Variants in SAMD4B observed in about 807,000 individuals in gnomAD.
SAMD4B encodes sterile alpha motif domain containing 4B.
In SAMD4B, 5 loss-of-function variants were observed where a neutral mutation model predicts 74.5. The ratio of observed to expected loss-of-function variants is 0.07; its 90% CI spans 0.04 to 0.14. SAMD4B has a LOEUF of 0.14. SAMD4B is among the 10% of genes least tolerant of loss of function. SAMD4B has a pLI of 1.00. For missense variants in SAMD4B, 608 were observed against 921.8 expected (o/e 0.66, Z 4.41); for synonymous variants, 373 against 374.9 (o/e 1.00, Z 0.06).
intron 1 of SAMD4B, among the ~76,000 whole-genome samples, chr19:39,353,643 C>T (rs899204590): frequency 4.6e-5 from 7 of 152,082 alleles, no homozygotes; most frequent in African/African-American, 1.7e-4. Context: ...GCTCTGTCAC[C>T]CAGGCTGGAG....
intron 4 of SAMD4B, among the ~76,000 whole-genome samples, chr19:39,373,925 C>G (rs923768792): frequency 1.3e-5 from 2 of 151,234 alleles, no homozygotes; most frequent in Non-Finnish European, 2.9e-5. Flanking sequence ...GATTGTGCCA[C>G]TGCACTCCAG....
chr19:39,362,289 C>A (rs977925993), intron 3 of SAMD4B, among the ~76,000 whole-genome samples: 7 of 152,206 alleles, frequency 4.6e-5, no homozygotes, highest in African/African-American at 9.7e-5. Flanking sequence ...TGGAGAACCA[C>A]TTGTCTTGAT....
intron 1 of SAMD4B, among the ~76,000 whole-genome samples, chr19:39,343,510 C>T (rs2075465994): frequency 1.3e-5 from 2 of 150,740 alleles, no homozygotes; most frequent in African/African-American, 4.9e-5. Context: ...ACACACTCCC[C>T]CTTCACGTAT....
Position 39,383,895 on chromosome 19 carries a change from A to G in SAMD4B, c.*368A>G. On this transcript the variant is annotated 3_prime_UTR_variant, in exon 14 of 14. Coordinates refer to ENST00000610417, the MANE Select transcript of SAMD4B (RefSeq NM_001384574.2). The surrounding 1 kb of genome is among the most constrained non-coding windows in gnomAD (Gnocchi z 4.1). ...CAAGGGAGCAGACTCCCCAGAGACA[A>G]ACTGACCACTACCTTGTGGAGCCTG... 1.6e-6 allele frequency: 1 copy of G among 610,618 alleles called. No homozygotes were observed. The highest frequency in any genetic ancestry group is 2.8e-5 in the East Asian group (1 of 36,166). 37.8% of individuals were successfully genotyped at this position (610,618 alleles called of 1,614,324 possible).
chr19:39,357,810 A>G (rs901558022), intron 3 of SAMD4B, among the ~76,000 whole-genome samples: 1 of 152,186 alleles, frequency 6.6e-6, no homozygotes, highest in African/African-American at 2.4e-5. Flanking sequence ...AAGAAGAGGG[A>G]GGGTAGTGGA....
At position 39,380,726 on chromosome 19, in the gene SAMD4B, G is replaced by T; in HGVS notation, c.1789G>T (p.Gly597Trp). ...RMGLLSPSGIGGVSPRHALTS... is the reference protein window; with the variant it reads ...RMGLLSPSGIWGVSPRHALTS... Reference sequence around the variant, plus strand: ...GGGCCTCCTGAGCCCCTCGGGCATTGGGGGTGTCTCCCCTCGACATGCCCT... The same window carrying T: ...GGGCCTCCTGAGCCCCTCGGGCATTTGGGGTGTCTCCCCTCGACATGCCCT... Residue 597 changes from glycine (G) to tryptophan (W), a missense_variant, in exon 11 of 14, where the codon GGG becomes TGG. Coordinates refer to ENST00000610417, the MANE Select transcript of SAMD4B (RefSeq NM_001384574.2). The T allele has an allele frequency of 6.2e-7, 1 of 1,607,978 alleles. No homozygotes were observed.
At chr19:39,386,006 A>G (rs145242944), downstream of SAMD4B, 17,454 of 1,613,676 alleles carry the variant, frequency 0.011, 118 homozygotes, top group South Asian at 0.016. The surrounding 1 kb of genome is among the most constrained non-coding windows in gnomAD (Gnocchi z 6.1). Context: ...CACTGTCACT[A>G]TCAGCTTCAC....
chr19:39,386,175 C>G (rs1273347663), downstream of SAMD4B: 1 of 1,614,064 alleles, frequency 6.2e-7, no homozygotes, highest in East Asian at 2.2e-5. This position sits in a 1 kb window ranked among gnomAD's most constrained non-coding sequence, Gnocchi z 6.1. Context: ...GGCCTGTCCT[C>G]TGTCCTCATC....
intron 2 of SAMD4B, among the ~76,000 whole-genome samples, chr19:39,354,611 AG>A (rs2076239828): frequency 6.6e-6 from 1 of 150,830 alleles, no homozygotes; most frequent in Admixed American, 6.6e-5. Context: ...GAAACAAATA[AG>A]ATGATACCTG....
chr19:39,377,636 C>G lies in SAMD4B; in HGVS notation c.1256C>G (p.Pro419Arg). Residue 419 changes from proline (P) to arginine (R), a missense_variant, in exon 8 of 14, where the codon CCG becomes CGG. Coordinates refer to ENST00000610417, the MANE Select transcript of SAMD4B (RefSeq NM_001384574.2). ...TAKDGAPGEP[P>R]LPGAEPPLAH... ...AAGGATGGGGCCCCGGGGGAACCAC[C>G]GCTGCCAGGTGCTGAGCCTCCCCTA... The G allele has an allele frequency of 1.2e-6, 2 of 1,614,116 alleles. No homozygotes were observed. Among genetic ancestry groups the G allele is most frequent in the Non-Finnish European group, 1.7e-6 (2 of 1,179,998 alleles).
At position 39,346,208 on chromosome 19, in the gene SAMD4B, T is replaced by G. The variant is rs78425394; in HGVS notation, c.-267+3632T>G. Among the ~76,000 whole-genome samples the G allele has an allele frequency of 2.2e-4, 33 of 152,292 alleles. No homozygotes were observed. In the East Asian group the frequency reaches 3.9e-3, roughly 18 times the overall value. The stretch of plus-strand genomic sequence containing the variant: ...ACAGAGCAGAAAATGAGGTACAAAT[T>G]ATATGCTGTAGAAATTCAGCAGTGA... On this transcript the variant is annotated intron_variant, in intron 1 of 13. Coordinates refer to ENST00000610417, the MANE Select transcript of SAMD4B (RefSeq NM_001384574.2).
In SAMD4B at chr19:39,377,670, C is replaced by T. The variant is rs150133597; in HGVS notation, c.1290C>T (p.Pro430=). The part of the protein sequence containing the change: ...LPGAEPPLAH[P]GTDKGTEAKD... ...GTGCTGAGCCTCCCCTAGCCCACCCCGGCACAGACAAAGGCACCGAGGCCA... is the reference window on the plus strand; with the variant it reads ...GTGCTGAGCCTCCCCTAGCCCACCCTGGCACAGACAAAGGCACCGAGGCCA... The change falls in exon 8 of 14, where the codon CCC becomes CCT. Residue 430 remains proline (P), a synonymous_variant. Transcript: ENST00000610417. 1.4e-4 allele frequency: 229 copies of T among 1,614,032 alleles called. 3 individuals are homozygous for T. The Middle Eastern group carries it at 6.4e-3, about 45-fold the overall frequency.
chr19:39,342,520 C>A lies in SAMD4B; in HGVS notation c.-323C>A. 5.8e-6 allele frequency: 1 copy of A among 171,396 alleles called. No homozygotes were observed. Among genetic ancestry groups the A allele is most frequent in the Non-Finnish European group, 1.2e-5 (1 of 83,148 alleles). The allele number at this position is 171,396 out of a possible 1,614,324, so 10.6% of individuals were successfully genotyped here. On this transcript the variant is annotated 5_prime_UTR_variant, in exon 1 of 14. Coordinates refer to ENST00000610417, the MANE Select transcript of SAMD4B (RefSeq NM_001384574.2). Reference sequence around the variant, plus strand: ...TTGCGGGCCCGAGAGGGGGCGACGGCGGCGGCGGTGGCCTGAGGAGGCCCG... The same window carrying A: ...TTGCGGGCCCGAGAGGGGGCGACGGAGGCGGCGGTGGCCTGAGGAGGCCCG...
rs1167369843 is a variant in SAMD4B, at chr19:39,353,783, G to A, written c.-266-223G>A. Among the ~76,000 whole-genome samples, 4 of 152,166 alleles carry A rather than the reference G, an allele frequency of 2.6e-5. No homozygotes were observed. In the East Asian group the frequency reaches 7.7e-4, roughly 29 times the overall value. On this transcript the variant is annotated intron_variant, in intron 1 of 13. Coordinates refer to ENST00000610417, the MANE Select transcript of SAMD4B (RefSeq NM_001384574.2). ...CACCCGGCTAATTTTTATATTTTTA[G>A]TAGAGATGGAGTTTCGCCATGTTGG...
At chr19:39,390,276 G>A, downstream of SAMD4B, 2 of 1,613,030 alleles carry the variant, frequency 1.2e-6, no homozygotes, top group South Asian at 1.1e-5. Flanking sequence ...GGCAGAGTCC[G>A]GTGGGAATTG....
At chr19:39,390,298 GAAGA>G (rs1290570231), downstream of SAMD4B, 22 of 1,609,932 alleles carry the variant, frequency 1.4e-5, no homozygotes, top group East Asian at 4.5e-5. Flanking sequence ...GCCTAGTGGA[GAAGA>G]AAGAAACAGT....
At position 39,369,981 on chromosome 19, in the gene SAMD4B, T is replaced by TG. The variant is rs761897037; in HGVS notation, c.530dup (p.Ala179CysfsTer53). The TG allele has an allele frequency of 6.2e-6, 10 of 1,613,048 alleles. No homozygotes were observed. ...CCATTCACGTCAAGGCTCAGATGAGTGGGGGGGCCCTGCAGAGCTAGGCCC... is the reference window on the plus strand; with the variant it reads ...CCATTCACGTCAAGGCTCAGATGAGTGGGGGGGGCCCTGCAGAGCTAGGCCC... On this transcript the variant is annotated frameshift_variant, in exon 4 of 14. Transcript: ENST00000610417. LOFTEE classifies it high-confidence loss of function.
Position 39,383,311 on chromosome 19 carries a change from C to T in SAMD4B, c.2056+20C>T, listed in dbSNP as rs1191831188. On this transcript the variant is annotated intron_variant, in intron 13 of 13. Transcript: ENST00000610417. The surrounding 1 kb of genome is among the most constrained non-coding windows in gnomAD (Gnocchi z 4.1). ...TGGGTGGTGAGCATTTCCTCTTTCC[C>T]TGACCCAGCTCCCACCTACCCAGCG... The T allele has an allele frequency of 6.2e-7, 1 of 1,611,846 alleles. No individual in the cohort carries two copies. The highest frequency in any genetic ancestry group is 8.5e-7 in the Non-Finnish European group (1 of 1,178,022).
Position 39,377,514 on chromosome 19 carries a change from C to G in SAMD4B, c.1134C>G (p.Asn378Lys). 1 of 1,582,720 alleles carries G rather than the reference C, an allele frequency of 6.3e-7. No homozygotes were observed. The highest frequency in any genetic ancestry group is 8.6e-7 in the Non-Finnish European group (1 of 1,159,376). Residue 378 changes from asparagine to lysine, a missense_variant, in exon 8 of 14, where the codon AAC becomes AAG. Asn to Lys is a moderately conservative substitution (Grantham distance 94). This residue lies in a region of SAMD4B where 39 missense variants were observed against 125.3 expected (regional missense o/e 0.31). Transcript: ENST00000610417. ...KDVLEGGNLR[N>K]ALQELQQIII... ...TGCTGGAAGGCGGGAACCTACGAAA[C>G]GCTCTGCAGGAGCTGCAGCAGATCA...
Sources: gnomAD v4.1 joint callset for allele counts (sites outside exome capture counted in the v4.1 genomes callset) on GRCh38, gnomAD v4.1.1 for gene constraint, gnomAD v4.1.1 regional missense constraint, Gnocchi (gnomAD v3.1) non-coding constraint, MANE v1.5 for transcripts, NCBI Gene and HGNC (gene_info 2026-07-23, HGNC 2026-07-21) for gene names.